ARFIP1: variants seen among roughly 807,000 people sequenced by gnomAD.
ARFIP1 encodes the protein ARF interacting protein 1, also known as arfaptin-1.
Under a neutral mutation model 42.5 loss-of-function variants are expected in ARFIP1, and 24 were observed. The observed-to-expected ratio is 0.57, with a 90% confidence interval of 0.41 to 0.80. ARFIP1 has a LOEUF of 0.80. ARFIP1 is among the 30% of genes least tolerant of loss of function. ARFIP1 has a pLI of 0.00. For synonymous variants in ARFIP1, 141 were observed against 153.7 expected, an observed-to-expected ratio of 0.92 and a Z score of 0.61; for missense variants, 354 against 434.0, an observed-to-expected ratio of 0.82 and a Z score of 1.64.
At chr4:152,849,693 G>A (rs1290514627) in intron 2 of ARFIP1, among the ~76,000 whole-genome samples, 1 of 152,026 alleles carries the variant, frequency 6.6e-6, no homozygotes, top group Non-Finnish European at 1.5e-5. Flanking sequence ...GTGTATGGTG[G>A]TAAATGGAAA....
intron 1 of ARFIP1, among the ~76,000 whole-genome samples, chr4:152,801,608 T>C (rs1157425383): frequency 6.6e-6 from 1 of 152,128 alleles, no homozygotes; most frequent in African/African-American, 2.4e-5. Flanking sequence ...ATTGCCAAGA[T>C]AGATAGAAGA....
At chr4:152,898,034 A>G (rs1579036307) in intron 8 of ARFIP1, among the ~76,000 whole-genome samples, 1 of 128,604 alleles carries the variant, frequency 7.8e-6, no homozygotes, top group South Asian at 2.4e-4. Flanking sequence ...CCCAGGCTGG[A>G]GTGCAGTGGC....
rs1490481342 is a variant in ARFIP1, at chr4:152,865,490, T to A, written c.202+1776T>A. Among the ~76,000 whole-genome samples the A allele has an allele frequency of 6.6e-5, 10 of 152,302 alleles. No homozygotes were observed. The East Asian group carries it at 1.9e-3, about 29-fold the overall frequency. On this transcript the variant is annotated intron_variant, in intron 3 of 8. Coordinates refer to ENST00000353617, the MANE Select transcript of ARFIP1 (RefSeq NM_001025595.3). Reference sequence around the variant, plus strand: ...GCCAATACTTTATTTAAAGAACAGTTTAGATTTTGAAGTATATTCTCTGCT... The same window carrying A: ...GCCAATACTTTATTTAAAGAACAGTATAGATTTTGAAGTATATTCTCTGCT...
At chr4:152,841,665 A>G (rs972390364) in intron 2 of ARFIP1, among the ~76,000 whole-genome samples, 9 of 152,192 alleles carry the variant, frequency 5.9e-5, no homozygotes, top group African/African-American at 1.7e-4. Context: ...TTCACTGGAT[A>G]CAAAATTATT....
chr4:152,796,375 A>C, intron 1 of ARFIP1: 1 of 724,312 alleles, frequency 1.4e-6, no homozygotes. Context: ...AGACATCTCT[A>C]GCAAAGCAGA....
chr4:152,871,929 A>G (rs957973726), intron 4 of ARFIP1, among the ~76,000 whole-genome samples: 1 of 152,108 alleles, frequency 6.6e-6, no homozygotes, highest in African/African-American at 2.4e-5. Context: ...GTGATAGCAT[A>G]TCTTTAATGA....
Position 152,911,523 on chromosome 4 carries a change from T to C in ARFIP1, c.*1304T>C, listed in dbSNP as rs1396943153. 1 of 152,528 alleles carries C rather than the reference T, an allele frequency of 6.6e-6. No homozygotes were observed. Among genetic ancestry groups the C allele is most frequent in the Admixed American group, 6.5e-5 (1 of 15,274 alleles). 9.4% of individuals were successfully genotyped at this position (152,528 alleles called of 1,614,324 possible). A position where few individuals can be genotyped will look rare whatever the true frequency, so the allele number is the denominator to read the frequency against. ...ATGGTTCTATCAGTAGTGTAATCCA[T>C]TTTCAATGTAAAGCTCTTTTAGTTT... On this transcript the variant is annotated 3_prime_UTR_variant, in exon 9 of 9. Coordinates refer to ENST00000353617, the MANE Select transcript of ARFIP1 (RefSeq NM_001025595.3).
At chr4:152,896,281 T>C (rs570461845) in intron 8 of ARFIP1, among the ~76,000 whole-genome samples, 7 of 152,212 alleles carry the variant, frequency 4.6e-5, no homozygotes, top group Admixed American at 2.0e-4. Context: ...TACACAAAGG[T>C]GAAATAACAT....
intron 8 of ARFIP1, among the ~76,000 whole-genome samples, chr4:152,903,202 G>A (rs1053714391): frequency 6.6e-6 from 1 of 152,082 alleles, no homozygotes; most frequent in Non-Finnish European, 1.5e-5. Flanking sequence ...AATCTTCTAA[G>A]TTTTTAATTC....
chr4:152,807,639 A>C (rs532090343), intron 1 of ARFIP1, among the ~76,000 whole-genome samples: 2 of 149,376 alleles, frequency 1.3e-5, no homozygotes, highest in East Asian at 3.9e-4. Flanking sequence ...AGAGTTATTT[A>C]TATGTCTTTG....
At chr4:152,865,352 G>T (rs1328758614) in intron 3 of ARFIP1, among the ~76,000 whole-genome samples, 1 of 152,086 alleles carries the variant, frequency 6.6e-6, no homozygotes, top group Non-Finnish European at 1.5e-5. Context: ...GGCCAGGCTG[G>T]TCTCCAACTC....
chr4:152,830,922 T>C (rs1307414291), intron 2 of ARFIP1, among the ~76,000 whole-genome samples: 1 of 152,168 alleles, frequency 6.6e-6, no homozygotes, highest in Non-Finnish European at 1.5e-5. Flanking sequence ...TAACAGTCTT[T>C]TGAAAAGAAC....
chr4:152,823,976 A>G (rs1285170551), intron 1 of ARFIP1, among the ~76,000 whole-genome samples: 1 of 152,042 alleles, frequency 6.6e-6, no homozygotes, highest in East Asian at 1.9e-4. Flanking sequence ...AAAATTCTTA[A>G]CAAAATATTA....
chr4:152,822,352 A>T (rs1419139101), intron 1 of ARFIP1, among the ~76,000 whole-genome samples: 2 of 151,958 alleles, frequency 1.3e-5, no homozygotes, highest in African/African-American at 4.8e-5. Flanking sequence ...AAAAAGTTCA[A>T]CAAGAAAATG....
intron 2 of ARFIP1, among the ~76,000 whole-genome samples, chr4:152,830,822 C>A (rs187404082): frequency 1.3e-5 from 2 of 152,288 alleles, no homozygotes; most frequent in East Asian, 3.9e-4. Flanking sequence ...GGAGAGGGGA[C>A]AAATTCCTCC....
chr4:152,899,820 TTATATATATAATACCTA>T (rs1561182035), intron 8 of ARFIP1, among the ~76,000 whole-genome samples: 1 of 152,136 alleles, frequency 6.6e-6, no homozygotes, highest in Non-Finnish European at 1.5e-5. Context: ...ATAAGGATTT[TTATATATATAATACCTA>T]TATCTGTATA....
At chr4:152,807,692 T>C (rs1180862949) in intron 1 of ARFIP1, among the ~76,000 whole-genome samples, 1 of 152,172 alleles carries the variant, frequency 6.6e-6, no homozygotes, top group East Asian at 1.9e-4. Flanking sequence ...ACTGATTTTC[T>C]CCTAGTCTGT....
At chr4:152,854,630 A>G (rs948674745) in intron 2 of ARFIP1, among the ~76,000 whole-genome samples, 5 of 152,148 alleles carry the variant, frequency 3.3e-5, no homozygotes, top group Non-Finnish European at 7.4e-5. Context: ...TTTTTCCTGA[A>G]GTTGTATCTA....
chr4:152,883,196 T>C (rs764885328), intron 7 of ARFIP1: 3 of 249,416 alleles, frequency 1.2e-5, no homozygotes, highest in African/African-American at 4.7e-5. Flanking sequence ...CTTCATTGCC[T>C]TGAGATTATC....
Sources: gnomAD v4.1 joint callset for allele counts (sites outside exome capture counted in the v4.1 genomes callset) on GRCh38, gnomAD v4.1.1 for gene constraint, MANE v1.5 for transcripts, NCBI Gene and HGNC (gene_info 2026-07-23, HGNC 2026-07-21) for gene names.